Variants in TNKS observed in about 807,000 individuals in gnomAD.
TNKS encodes tankyrase, also known as poly [ADP-ribose] polymerase tankyrase-1.
In TNKS, 72 loss-of-function variants were observed where a neutral mutation model predicts 135.8. The ratio of observed to expected loss-of-function variants is 0.53; its 90% confidence interval spans 0.44 to 0.64. The LOEUF (loss-of-function observed/expected upper bound fraction) is 0.64, where lower values mean the gene tolerates loss of function less well. TNKS is among the 30% of genes least tolerant of loss of function. The pLI is 0.00. For missense variants in TNKS, 1,769 were observed against 1,674.0 expected, an observed-to-expected ratio of 1.06 and a Z score of -0.99; for synonymous variants, 849 against 649.3, an observed-to-expected ratio of 1.31 and a Z score of -4.68.
intron 5 of TNKS, among the ~76,000 whole-genome samples, chr8:9,693,898 C>G (rs1009730697): frequency 2.0e-5 from 3 of 152,154 alleles, no homozygotes; most frequent in African/African-American, 7.2e-5. Context: ...GGTAGGGTGA[C>G]CAACCGTCTT....
In TNKS at chr8:9,758,239, G is replaced by A. The variant is rs909797985; in HGVS notation, c.3154-3277G>A. On this transcript the variant is annotated intron_variant, in intron 20 of 26. Coordinates refer to ENST00000310430, the MANE Select transcript of TNKS (RefSeq NM_003747.3). ...ACAAATATTGTGTGGATGGTGGTTG[G>A]ATGATGAATGGTTGGATGGAATTGC... is the stretch of plus-strand genomic sequence containing the variant. 3.3e-5 allele frequency among the ~76,000 whole-genome samples: 5 copies of A among 152,152 alleles called. No homozygotes were observed. The South Asian group carries it at 1.0e-3, about 32-fold the overall frequency.
intron 2 of TNKS, among the ~76,000 whole-genome samples, chr8:9,583,875 C>T (rs1253311488): frequency 6.6e-6 from 1 of 150,642 alleles, no homozygotes; most frequent in Non-Finnish European, 1.5e-5. Context: ...GATATAAGAT[C>T]TGGGAGTCGG....
Position 9,682,011 on chromosome 8 carries a change from C to T in TNKS, c.1107+1211C>T, listed in dbSNP as rs542435135. Among the ~76,000 whole-genome samples, 3 of 152,244 alleles carry T rather than the reference C, an allele frequency of 2.0e-5. No homozygotes were observed. In the South Asian group the frequency reaches 6.2e-4, roughly 32 times the overall value. ...AGCCATAAACTAGCAAAGATTTACT[C>T]AGCACTATTAGTTACTCTTGGGAAG... is the stretch of plus-strand genomic sequence containing the variant. On this transcript the variant is annotated intron_variant, in intron 5 of 26. Transcript: ENST00000310430.
chr8:9,610,743 T>G (rs549518889), intron 2 of TNKS, among the ~76,000 whole-genome samples: 1 of 152,356 alleles, frequency 6.6e-6, no homozygotes, highest in South Asian at 2.1e-4. Flanking sequence ...TCTGATAATT[T>G]ACTCTAAAAA....
intron 2 of TNKS, 34 bp downstream of exon 2, chr8:9,580,417 T>C (rs1016007769): frequency 1.9e-6 from 3 of 1,586,328 alleles, no homozygotes; most frequent in Non-Finnish European, 2.6e-6. Context: ...AAATTTTAAA[T>C]AAAGGTTTAT....
chr8:9,599,446 A>G lies in TNKS; in HGVS notation c.899-16136A>G, dbSNP rs185202799. 5.9e-5 allele frequency among the ~76,000 whole-genome samples: 9 copies of G among 152,332 alleles called. No homozygotes were observed. The East Asian group carries it at 1.7e-3, about 29-fold the overall frequency. On this transcript the variant is annotated intron_variant, in intron 2 of 26. Transcript: ENST00000310430. ...GAGGAAATTAAGATTGGCAGTGGTG[A>G]AGTAACTTGCCCAAGGTCAGACAGT...
At position 9,665,220 on chromosome 8, in the gene TNKS, C is replaced by T. The variant is rs570763064; in HGVS notation, c.995-14731C>T. Among the ~76,000 whole-genome samples, 13 of 152,290 alleles carry T rather than the reference C, an allele frequency of 8.5e-5. No homozygotes were observed. The East Asian group carries it at 2.3e-3, about 27-fold the overall frequency. ...TTCCTTGAGCTTCCTGTCAAACTAG[C>T]TTCAAAATATTTTTACTGGGGCTAG... is the stretch of plus-strand genomic sequence containing the variant. On this transcript the variant is annotated intron_variant, in intron 3 of 26. Transcript: ENST00000310430.
intron 1 of TNKS, among the ~76,000 whole-genome samples, chr8:9,565,078 C>A (rs1160264846): frequency 6.6e-6 from 1 of 151,448 alleles, no homozygotes; most frequent in Non-Finnish European, 1.5e-5. Context: ...TTTGTGTGCC[C>A]GTTGTTTTTC....
rs144935650 is a variant in TNKS, at chr8:9,587,158, A to G, written c.898+6775A>G. Among the ~76,000 whole-genome samples, 240 of 152,246 alleles carry G rather than the reference A, an allele frequency of 1.6e-3. 1 individual carries two copies. Among genetic ancestry groups the G allele is most frequent in the African/African-American group, 5.4e-3 (225 of 41,552 alleles). On this transcript the variant is annotated intron_variant, in intron 2 of 26. Transcript: ENST00000310430. ...GTTAATTTGAGATGGGAAGATTATC[A>G]TGGATTGTCTTGGTGGACCCAAAGT... is the stretch of plus-strand genomic sequence containing the variant.
At chr8:9,633,899 CA>C (rs1800395440) in intron 3 of TNKS, among the ~76,000 whole-genome samples, 1 of 152,142 alleles carries the variant, frequency 6.6e-6, no homozygotes, top group African/African-American at 2.4e-5. Context: ...AGCTTGGCAG[CA>C]ACCTTGTTGG....
chr8:9,657,560 C>T lies in TNKS; in HGVS notation c.995-22391C>T, dbSNP rs1180960118. 4.6e-4 allele frequency among the ~76,000 whole-genome samples: 33 copies of T among 71,270 alleles called. 1 individual carries two copies. The South Asian group carries it at 0.011, about 25-fold the overall frequency. The allele number at this position is 71,270 out of a possible 152,430, so 46.8% of individuals were successfully genotyped here. A position where few individuals can be genotyped will look rare whatever the true frequency, so the allele number is the denominator to read the frequency against. On this transcript the variant is annotated intron_variant, in intron 3 of 26. Transcript: ENST00000310430. ...CCCAGTAGGGGCGGCTGGGCAGAGG[C>T]GCCCCTCACCTCCCAGACGGGGCGG...
chr8:9,565,260 A>G (rs1197807574), intron 1 of TNKS, among the ~76,000 whole-genome samples: 2 of 152,120 alleles, frequency 1.3e-5, no homozygotes, highest in African/African-American at 4.8e-5. Context: ...TCCCCATTCA[A>G]TTTAGACAAG....
intron 3 of TNKS, among the ~76,000 whole-genome samples, chr8:9,662,974 A>T (rs1247667724): frequency 6.6e-6 from 1 of 152,178 alleles, no homozygotes. Flanking sequence ...TGAGATGGAG[A>T]GATTATCTTG....
chr8:9,566,677 C>T lies in TNKS; in HGVS notation c.673+10065C>T, dbSNP rs894086009. Among the ~76,000 whole-genome samples, 20 of 143,200 alleles carry T rather than the reference C, an allele frequency of 1.4e-4. No individual in the cohort carries two copies. In the South Asian group the frequency reaches 4.2e-3, roughly 30 times the overall value. The allele number at this position is 143,200 out of a possible 152,430, so 93.9% of individuals were successfully genotyped here. On this transcript the variant is annotated intron_variant, in intron 1 of 26. Transcript: ENST00000310430. The stretch of plus-strand genomic sequence containing the variant: ...ACTGCGGACTGCAGTGGCGCAATCT[C>T]GGCTCACTGCAAGCTCCGCCTCCCG...
At chr8:9,760,023 T>C (rs1370866869) in intron 20 of TNKS, among the ~76,000 whole-genome samples, 1 of 151,880 alleles carries the variant, frequency 6.6e-6, no homozygotes, top group East Asian at 1.9e-4. Flanking sequence ...CTGAGAATTC[T>C]CTAAGTTGAA....
chr8:9,662,055 CT>C (rs1343085410), intron 3 of TNKS, among the ~76,000 whole-genome samples: 1 of 152,214 alleles, frequency 6.6e-6, no homozygotes, highest in African/African-American at 2.4e-5. Flanking sequence ...TCTCACACAC[CT>C]GTTAGAATGG....
At chr8:9,610,559 T>A (rs978830141) in intron 2 of TNKS, among the ~76,000 whole-genome samples, 8 of 152,142 alleles carry the variant, frequency 5.3e-5, no homozygotes, top group African/African-American at 1.9e-4. Flanking sequence ...TAGTGAAAGT[T>A]TAGTCCTTTG....
intron 3 of TNKS, among the ~76,000 whole-genome samples, chr8:9,674,790 C>T (rs1802467292): frequency 6.6e-6 from 1 of 152,078 alleles, no homozygotes; most frequent in Admixed American, 6.5e-5. Flanking sequence ...AGGGTCTCTA[C>T]CAGGAAAATA....
chr8:9,709,557 C>T (rs907419516), intron 9 of TNKS, among the ~76,000 whole-genome samples: 2 of 152,078 alleles, frequency 1.3e-5, no homozygotes, highest in African/African-American at 4.8e-5. Context: ...CTGGGAGTAC[C>T]TCTGTAGAAG....
Sources: allele counts gnomAD v4.1 joint callset (sites outside exome capture counted in the v4.1 genomes callset), GRCh38; gene constraint gnomAD v4.1.1; transcripts MANE v1.5; gene names NCBI Gene and HGNC (gene_info 2026-07-23, HGNC 2026-07-21).